Variants in ADK observed in about 807,000 individuals in gnomAD.
The protein encoded by ADK is adenosine kinase, also known as N6,N6-dimethyladenosine kinase.
Under a neutral mutation model 44.7 loss-of-function variants are expected in ADK, and 24 were observed. The observed-to-expected ratio is 0.54, with a 90% CI of 0.39 to 0.76. The LOEUF is 0.76. Among genes scored for constraint, ADK ranks in the 30% least tolerant of loss-of-function variants. ADK has a pLI of 0.00. For synonymous variants in ADK, 128 were observed against 142.6 expected (o/e 0.90, Z 0.73); for missense variants, 321 against 425.1 (o/e 0.76, Z 2.15).
chr10:74,257,497 AAT>A (rs1230098453), intron 3 of ADK, among the ~76,000 whole-genome samples: 4 of 152,204 alleles, frequency 2.6e-5, no homozygotes, highest in African/African-American at 9.6e-5. Flanking sequence ...TTAAATGAAA[AAT>A]ATGAGTTAAT....
At chr10:74,255,130 C>T (rs1165242399) in intron 3 of ADK, among the ~76,000 whole-genome samples, 3 of 151,974 alleles carry the variant, frequency 2.0e-5, no homozygotes, top group African/African-American at 7.3e-5. Context: ...GGATATGCAG[C>T]CTGTGGTGTA....
chr10:74,619,598 G>A (rs573999273), intron 9 of ADK, among the ~76,000 whole-genome samples: 1 of 151,996 alleles, frequency 6.6e-6, no homozygotes, highest in Non-Finnish European at 1.5e-5. Context: ...ATTAATCATA[G>A]TAGTAATAAA....
At chr10:74,201,273 C>T (rs949648547) in intron 2 of ADK, among the ~76,000 whole-genome samples, 1 of 152,160 alleles carries the variant, frequency 6.6e-6, no homozygotes, top group African/African-American at 2.4e-5. Flanking sequence ...GGATATAATT[C>T]AGAGGATATG....
At chr10:74,235,158 G>T (rs1844913243) in intron 3 of ADK, among the ~76,000 whole-genome samples, 1 of 147,314 alleles carries the variant, frequency 6.8e-6, no homozygotes, top group African/African-American at 2.5e-5. Context: ...AAACTTTCCG[G>T]TTTGACTTGG....
intron 6 of ADK, among the ~76,000 whole-genome samples, chr10:74,501,667 C>G (rs553717663): frequency 6.9e-4 from 105 of 152,110 alleles, no homozygotes; most frequent in African/African-American, 2.4e-3. Flanking sequence ...GAATATCATT[C>G]GTTCATAAAA....
chr10:74,213,790 T>C (rs1468977502), intron 2 of ADK, among the ~76,000 whole-genome samples: 1 of 152,160 alleles, frequency 6.6e-6, no homozygotes, highest in East Asian at 1.9e-4. Flanking sequence ...AGTGCAAATA[T>C]GGAGACAGAA....
At chr10:74,586,332 A>G (rs528911132) in intron 7 of ADK, among the ~76,000 whole-genome samples, 6 of 152,302 alleles carry the variant, frequency 3.9e-5, no homozygotes, top group African/African-American at 1.2e-4. Flanking sequence ...GTGATAGGGC[A>G]CAGCTCAGCA....
intron 2 of ADK, among the ~76,000 whole-genome samples, chr10:74,207,001 G>A (rs763030036): frequency 2.0e-5 from 3 of 152,170 alleles, no homozygotes; most frequent in South Asian, 2.1e-4. Context: ...TGCCAAGGGC[G>A]AGCCAGGTGC....
intron 10 of ADK, among the ~76,000 whole-genome samples, chr10:74,682,625 C>G (rs6480750): frequency 0.81 from 120,149 of 149,112 alleles, 48,735 homozygotes; most frequent in African/African-American, 0.89. Context: ...CCAGAATGGA[C>G]TGCAGTGGTG....
At chr10:74,415,055 C>T (rs1460860993) in intron 6 of ADK, among the ~76,000 whole-genome samples, 1 of 152,048 alleles carries the variant, frequency 6.6e-6, no homozygotes, top group African/African-American at 2.4e-5. Flanking sequence ...AGCTTAGGAG[C>T]CCTAAAGATA....
At chr10:74,424,535 CAAAAAAAAAAAAAAAAA>C (rs57106986) in intron 6 of ADK, among the ~76,000 whole-genome samples, 7 of 58,462 alleles carry the variant, frequency 1.2e-4, no homozygotes, top group East Asian at 5.8e-4. Flanking sequence ...AACTCCGTCT[CAAAAAAAAAAAAAAAAA>C]AAAAAAAAAA....
intron 3 of ADK, among the ~76,000 whole-genome samples, chr10:74,277,565 A>T (rs932613889): frequency 6.6e-6 from 1 of 151,398 alleles, no homozygotes; most frequent in Non-Finnish European, 1.5e-5. Flanking sequence ...CCTGGGTAAT[A>T]TTTTTTTGTA....
chr10:74,391,599 C>G (rs111277164), intron 4 of ADK, among the ~76,000 whole-genome samples: 1,956 of 150,500 alleles, frequency 0.013, 23 homozygotes, highest in Non-Finnish European at 0.02. Flanking sequence ...CCCAACTACT[C>G]AGAAGACTGA....
At chr10:74,689,121 C>T (rs922628546) in intron 10 of ADK, among the ~76,000 whole-genome samples, 37 of 151,522 alleles carry the variant, frequency 2.4e-4, no homozygotes, top group South Asian at 2.1e-4. Context: ...TGGTGGCGGG[C>T]GCCTGTAGTC....
intron 9 of ADK, among the ~76,000 whole-genome samples, chr10:74,635,418 A>G (rs1337905405): frequency 1.3e-5 from 2 of 152,220 alleles, no homozygotes; most frequent in Non-Finnish European, 2.9e-5. Flanking sequence ...TGTTATATAA[A>G]CATAAGAGTA....
At chr10:74,645,569 C>T (rs1854026077) in intron 9 of ADK, among the ~76,000 whole-genome samples, 3 of 152,140 alleles carry the variant, frequency 2.0e-5, no homozygotes, top group Admixed American at 2.0e-4. Context: ...TGTTTTGTGA[C>T]CCCTGAATGA....
At chr10:74,402,884 T>C (rs1043040571) in intron 6 of ADK, among the ~76,000 whole-genome samples, 2 of 152,222 alleles carry the variant, frequency 1.3e-5, no homozygotes, top group African/African-American at 2.4e-5. Flanking sequence ...TTTGTGGTTT[T>C]ATCTACTTTG....
chr10:74,467,190 G>A (rs1051993487), intron 6 of ADK, among the ~76,000 whole-genome samples: 5 of 152,008 alleles, frequency 3.3e-5, no homozygotes, highest in Admixed American at 6.6e-5. Context: ...AGAAAAGATC[G>A]TGCATGTAAT....
At chr10:74,366,949 C>A (rs1000072695) in intron 4 of ADK, among the ~76,000 whole-genome samples, 7 of 152,094 alleles carry the variant, frequency 4.6e-5, no homozygotes, top group African/African-American at 1.2e-4. Context: ...AACAAAAACG[C>A]CCAAATATCA....
Sources: allele counts gnomAD v4.1 joint callset (sites outside exome capture counted in the v4.1 genomes callset), GRCh38; gene constraint gnomAD v4.1.1; transcripts MANE v1.5; gene names NCBI Gene and HGNC (gene_info 2026-07-23, HGNC 2026-07-21).